Variants in TRPV5 observed in about 807,000 individuals in gnomAD.
TRPV5 encodes the protein transient receptor potential cation channel subfamily V member 5, also known as calcium transport protein 2.
A neutral mutation model predicts 74.1 loss-of-function variants in TRPV5; 66 were observed. The observed-to-expected ratio is 0.89, with a 90% CI of 0.73 to 1.09. The LOEUF is 1.09. TRPV5 is among the 50% of genes least tolerant of loss of function. TRPV5 has a pLI of 0.00. For missense variants in TRPV5, 936 were observed against 930.4 expected, an observed-to-expected ratio of 1.01 and a Z score of -0.08; for synonymous variants, 399 against 360.7, an observed-to-expected ratio of 1.11 and a Z score of -1.20.
chr7:142,909,909 C>G (rs1795677735), intron 13 of TRPV5, among the ~76,000 whole-genome samples: 1 of 152,188 alleles, frequency 6.6e-6, no homozygotes, highest in Non-Finnish European at 1.5e-5. Flanking sequence ...AAGCCACAGA[C>G]CAATTATCTC....
chr7:142,932,891 CCAAA>C (rs768194851), intron 1 of TRPV5, among the ~76,000 whole-genome samples: 15 of 152,200 alleles, frequency 9.9e-5, no homozygotes, highest in Non-Finnish European at 1.2e-4. Flanking sequence ...CAGTGTTACA[CCAAA>C]CAAAGCGCTC....
chr7:142,928,664 A>G (rs1286422103), intron 6 of TRPV5, 27 bp downstream of exon 6: 6 of 1,603,964 alleles, frequency 3.7e-6, no homozygotes, highest in Non-Finnish European at 4.3e-6. Flanking sequence ...TTAGAAAGAC[A>G]CCTCAGGGAT....
chr7:142,908,422 A>C lies in TRPV5; in HGVS notation c.*92T>G. 3 of 1,408,118 alleles carry C rather than the reference A, an allele frequency of 2.1e-6. No homozygotes were observed. Among genetic ancestry groups the C allele is most frequent in the Non-Finnish European group, 3.0e-6 (3 of 1,016,728 alleles). 87.2% of individuals were successfully genotyped at this position (1,408,118 alleles called of 1,614,324 possible). ...TCACCCTCCCATGATTAACAGGCAC[A>C]GAAGTTAGACACTTGCATAGGCAGA... is the stretch of plus-strand genomic sequence containing the variant. On this transcript the variant is annotated 3_prime_UTR_variant, in exon 15 of 15. Coordinates refer to ENST00000265310, the MANE Select transcript of TRPV5 (RefSeq NM_019841.7).
intron 7 of TRPV5, among the ~76,000 whole-genome samples, chr7:142,927,185 C>T (rs749892635): frequency 6.6e-6 from 1 of 152,178 alleles, no homozygotes; most frequent in Non-Finnish European, 1.5e-5. Flanking sequence ...TCCTCTGTGA[C>T]ATCTTCTCTG....
At chr7:142,917,597 TC>T (rs1795822901) in intron 8 of TRPV5, among the ~76,000 whole-genome samples, 2 of 152,196 alleles carry the variant, frequency 1.3e-5, no homozygotes, top group Admixed American at 1.3e-4. Context: ...TGCTGGGGCT[TC>T]CTCTCACCAG....
intron 8 of TRPV5, among the ~76,000 whole-genome samples, chr7:142,918,475 C>T (rs561009530): frequency 2.0e-5 from 3 of 152,216 alleles, no homozygotes; most frequent in Non-Finnish European, 2.9e-5. Flanking sequence ...CAACCCACCC[C>T]GCACAATGCT....
At chr7:142,912,853 T>TATC in intron 12 of TRPV5, 103 bp from the exon 13 acceptor site, 1 of 908,272 alleles carries the variant, frequency 1.1e-6, no homozygotes, top group Non-Finnish European at 1.7e-6. Context: ...TCTATCTATC[T>TATC]ATCTATCTAT....
Position 142,929,572 on chromosome 7 carries a change from C to G in TRPV5, c.350-7G>C. On this transcript the variant is annotated splice_polypyrimidine_tract_variant and splice_region_variant and intron_variant, in intron 3 of 14. Transcript: ENST00000265310. Reference sequence around the variant, plus strand: ...ATGTGCAGTGCAGTCTGACCTGGCCCAGAGACAGCCATCATCAGGGTCTCC... The same window carrying G: ...ATGTGCAGTGCAGTCTGACCTGGCCGAGAGACAGCCATCATCAGGGTCTCC... 6.2e-7 allele frequency: 1 copy of G among 1,611,114 alleles called. No individual in the cohort carries two copies. The highest frequency in any genetic ancestry group is 8.5e-7 in the Non-Finnish European group (1 of 1,177,544).
intron 8 of TRPV5, among the ~76,000 whole-genome samples, chr7:142,917,069 GT>G (rs796667774): frequency 1.5e-4 from 22 of 149,372 alleles, no homozygotes; most frequent in Admixed American, 9.3e-4. Context: ...TGTGTGTCTG[GT>G]TTTTTTTTGT....
intron 1 of TRPV5, 150 bp downstream of exon 1, chr7:142,933,182 T>C: frequency 8.9e-7 from 1 of 1,126,390 alleles, no homozygotes; most frequent in Non-Finnish European, 1.3e-6. Flanking sequence ...TGGGATTCTG[T>C]AATTAGGTGG....
chr7:142,909,697 A>G, intron 13 of TRPV5, 101 bp from the exon 14 acceptor site: 1 of 1,271,156 alleles, frequency 7.9e-7, no homozygotes. Context: ...AATCTGTGAG[A>G]TAGGACACTA....
At chr7:142,915,223 AG>A in intron 10 of TRPV5, 83 bp downstream of exon 10, 1 of 1,557,926 alleles carries the variant, frequency 6.4e-7, no homozygotes, top group Non-Finnish European at 8.8e-7. Context: ...GAGTGACCTG[AG>A]GCCTAGAACT....
At chr7:142,930,281 T>G in intron 2 of TRPV5, 68 bp downstream of exon 2, 1 of 1,610,698 alleles carries the variant, frequency 6.2e-7, no homozygotes, top group Non-Finnish European at 8.5e-7. Context: ...TTTCACAAAC[T>G]CGAAGTCTTG....
At position 142,908,630 on chromosome 7, in the gene TRPV5, C is replaced by T. The variant is rs756655734; in HGVS notation, c.2074G>A (p.Ala692Thr). The change falls in exon 15 of 15, where the codon GCG becomes ACG. Residue 692 changes from alanine to threonine, a missense_variant. By Grantham distance (58) the Ala-to-Thr change is moderately conservative. Transcript: ENST00000265310. ...CCTCGGTGACTGCTGCTCTGGGACG[C>T]GGTCCGGGACAGGGAGGAAGTTGGA... The part of the protein sequence containing the change: ...ALPTSSLSRT[A>T]SQSSSHRGWE... 4.3e-6 allele frequency: 7 copies of T among 1,614,196 alleles called. No homozygotes were observed. Among genetic ancestry groups the T allele is most frequent in the African/African-American group, 2.7e-5 (2 of 75,058 alleles).
At chr7:142,925,168 T>A (rs1795961366) in intron 8 of TRPV5, 2 of 466,254 alleles carry the variant, frequency 4.3e-6, no homozygotes, top group Non-Finnish European at 7.6e-6. Context: ...GACTCAGAAA[T>A]GGACTTGGAG....
intron 3 of TRPV5, 48 bp downstream of exon 3, chr7:142,930,010 C>A: frequency 6.2e-7 from 1 of 1,613,394 alleles, no homozygotes; most frequent in Non-Finnish European, 8.5e-7. Flanking sequence ...CAACAGCACA[C>A]CCTCCATCTC....
Position 142,912,545 on chromosome 7 carries a change from G to C in TRPV5, c.1725C>G (p.Ile575Met). The change falls in exon 13 of 15, where the codon ATC (isoleucine) becomes ATG (methionine). Residue 575 changes from isoleucine to methionine, a missense_variant. Physicochemically the swap from Ile to Met is conservative, Grantham distance 10. Transcript: ENST00000265310. ...IATLLMLNLF[I>M]AMMGDTHWRV... ...TCCAGTGGGTGTCGCCCATCATGGC[G>C]ATGAACAAGTTGAGCATGAGCAGTG... 1 of 1,614,238 alleles carries C rather than the reference G, an allele frequency of 6.2e-7. No individual in the cohort carries two copies. The highest frequency in any genetic ancestry group is 8.5e-7 in the Non-Finnish European group (1 of 1,180,040).
At chr7:142,920,304 C>T (rs1424798980) in intron 8 of TRPV5, among the ~76,000 whole-genome samples, 2 of 152,190 alleles carry the variant, frequency 1.3e-5, no homozygotes, top group Non-Finnish European at 2.9e-5. Flanking sequence ...AGAGTCTCCA[C>T]CCATTCCCAC....
chr7:142,932,657 C>G (rs1003233263), intron 1 of TRPV5, among the ~76,000 whole-genome samples: 2 of 152,190 alleles, frequency 1.3e-5, no homozygotes, highest in African/African-American at 2.4e-5. Flanking sequence ...AGCTGCTCTT[C>G]CTGGGACTGG....
Sources: allele counts gnomAD v4.1 joint callset (sites outside exome capture counted in the v4.1 genomes callset), GRCh38; gene constraint gnomAD v4.1.1; transcripts MANE v1.5; gene names NCBI Gene and HGNC (gene_info 2026-07-23, HGNC 2026-07-21).